PARN: variants seen among roughly 807,000 people sequenced by gnomAD.
PARN encodes poly(A)-specific ribonuclease, also known as poly(A)-specific ribonuclease PARN.
PARN carries 71 observed loss-of-function variants against 102.8 expected under a neutral mutation model. That is an observed-to-expected ratio of 0.69 (90% CI 0.57 to 0.84). The LOEUF (loss-of-function observed/expected upper bound fraction) is 0.84. PARN is among the 40% of genes least tolerant of loss of function. PARN has a pLI of 0.00. For synonymous variants in PARN, 261 were observed against 252.9 expected (o/e 1.03, Z -0.30); for missense variants, 782 against 760.9 (o/e 1.03, Z -0.33).
At chr16:14,501,606 G>A (rs1964625514) in intron 21 of PARN, 1 of 151,956 alleles carries the variant, frequency 6.6e-6, no homozygotes, top group African/African-American at 2.4e-5. Context: ...GGTAAAGTAG[G>A]TAGAAACAAA....
intron 18 of PARN, among the ~76,000 whole-genome samples, chr16:14,579,562 C>T (rs903947299): frequency 1.3e-5 from 2 of 151,810 alleles, no homozygotes; most frequent in African/African-American, 4.8e-5. Context: ...AGAGCAAGAC[C>T]GTGACTCAAA....
At chr16:14,473,891 A>C (rs553441641) in intron 22 of PARN, among the ~76,000 whole-genome samples, 1 of 152,224 alleles carries the variant, frequency 6.6e-6, no homozygotes, top group South Asian at 2.1e-4. Context: ...CAGTGCTAGT[A>C]GTTTCCAACC....
intron 11 of PARN, 138 bp from the exon 12 acceptor site, chr16:14,600,098 C>G: frequency 4.0e-6 from 2 of 502,804 alleles, no homozygotes. Context: ...TTGCGCCTAT[C>G]TTCCCAAACA....
intron 18 of PARN, among the ~76,000 whole-genome samples, chr16:14,572,893 CTTT>C (rs756874245): frequency 1.4e-5 from 2 of 144,960 alleles, no homozygotes; most frequent in Non-Finnish European, 3.0e-5. Context: ...TGTATTTTTT[CTTT>C]TTTTTTTTTT....
At chr16:14,584,551 A>AG in intron 15 of PARN, 129 bp from the exon 16 acceptor site, 1 of 828,438 alleles carries the variant, frequency 1.2e-6, no homozygotes, top group South Asian at 1.7e-5. Flanking sequence ...AAAGAAACAC[A>AG]GAAGTCTTCG....
intron 21 of PARN, among the ~76,000 whole-genome samples, chr16:14,506,727 G>A (rs907508901): frequency 3.9e-5 from 6 of 152,128 alleles, no homozygotes; most frequent in African/African-American, 1.4e-4. Flanking sequence ...GCAGTGGCAC[G>A]AGCCTTTAGT....
At chr16:14,441,419 C>G (rs934994456) in intron 23 of PARN, among the ~76,000 whole-genome samples, 1 of 152,194 alleles carries the variant, frequency 6.6e-6, no homozygotes, top group South Asian at 2.1e-4. Context: ...CCAGGTGAAT[C>G]CCAAACGGAT....
intron 9 of PARN, among the ~76,000 whole-genome samples, chr16:14,607,164 T>C (rs1723074376): frequency 6.6e-6 from 1 of 152,166 alleles, no homozygotes; most frequent in Admixed American, 6.6e-5. Flanking sequence ...CTTCCAAATA[T>C]AAAAATGTTT....
intron 21 of PARN, among the ~76,000 whole-genome samples, chr16:14,547,245 T>C (rs1192834595): frequency 6.6e-6 from 1 of 152,118 alleles, no homozygotes. Context: ...TAATGCTAAA[T>C]GCACAGCTTG....
chr16:14,535,432 A>G (rs938157013), intron 21 of PARN, among the ~76,000 whole-genome samples: 36 of 152,398 alleles, frequency 2.4e-4, no homozygotes, highest in African/African-American at 8.7e-4. Context: ...CAAATACTCA[A>G]CAGTGGAAAT....
rs138280888 is a variant in PARN at position 14,473,782 on chromosome 16, G to A, written c.1670+8856C>T. Among the ~76,000 whole-genome samples the A allele has an allele frequency of 3.8e-3, 572 of 152,278 alleles. 5 individuals carry two copies. Among genetic ancestry groups the A allele is most frequent in the African/African-American group, 0.013 (539 of 41,558 alleles). ...TTTTGAAATAGCAGTGGACAGTTGT[G>A]GGTCTCAAGGTGAGAGGCACCCACT... On this transcript the variant is annotated intron_variant, in intron 22 of 23. Transcript: ENST00000437198.
In PARN at chr16:14,436,577, C is replaced by CA. The variant is rs1960706014; in HGVS notation, c.*139_*140insT. 4.7e-6 allele frequency: 3 copies of CA among 633,214 alleles called. No individual in the cohort carries two copies. Among genetic ancestry groups the CA allele is most frequent in the Non-Finnish European group, 8.5e-6 (3 of 354,522 alleles). 39.2% of individuals were successfully genotyped at this position (633,214 alleles called of 1,614,324 possible). On this transcript the variant is annotated 3_prime_UTR_variant, in exon 24 of 24. Coordinates refer to ENST00000437198, the MANE Select transcript of PARN (RefSeq NM_002582.4). ...CAGCCACAAAAATAAAACCTGTTTT[C>CA]TCCCCCCCAGGAGACAACTTGGTTT...
intron 21 of PARN, among the ~76,000 whole-genome samples, chr16:14,517,998 G>A (rs1404561389): frequency 6.6e-6 from 1 of 151,910 alleles, no homozygotes; most frequent in Non-Finnish European, 1.5e-5. Context: ...AGATGTTGAG[G>A]GGGTGTTATC....
chr16:14,585,456 A>AC (rs1414377970), intron 14 of PARN, among the ~76,000 whole-genome samples: 1 of 149,124 alleles, frequency 6.7e-6, no homozygotes, highest in East Asian at 2.0e-4. Flanking sequence ...CTCGAACACC[A>AC]CGCCTATCCC....
intron 21 of PARN, among the ~76,000 whole-genome samples, chr16:14,536,135 G>A (rs921898441): frequency 2.0e-5 from 3 of 151,948 alleles, no homozygotes; most frequent in Non-Finnish European, 4.4e-5. Flanking sequence ...AAGATTTATT[G>A]GTAACATTTT....
intron 5 of PARN, 92 bp downstream of exon 5, chr16:14,627,014 C>T: frequency 2.7e-6 from 2 of 752,130 alleles, no homozygotes; most frequent in Non-Finnish European, 4.6e-6. Context: ...GCCCCAAAGC[C>T]CAAAGTTAAT....
In PARN at chr16:14,543,049, T is replaced by C. The variant is rs375436884; in HGVS notation, c.1480+8972A>G. Among the ~76,000 whole-genome samples the C allele has an allele frequency of 4.2e-3, 633 of 152,202 alleles. 51 individuals are homozygous for C. In the South Asian group the frequency reaches 0.12, roughly 30 times the overall value. On this transcript the variant is annotated intron_variant, in intron 21 of 23. Transcript: ENST00000437198. Reference sequence around the variant, plus strand: ...ATTATATTCAAACTGCTAAAACCAATCGTAAATAGAAAATGTTGAAAATAA... The same window carrying C: ...ATTATATTCAAACTGCTAAAACCAACCGTAAATAGAAAATGTTGAAAATAA...
intron 5 of PARN, among the ~76,000 whole-genome samples, chr16:14,623,662 C>T (rs929166447): frequency 2.6e-5 from 4 of 151,608 alleles, no homozygotes; most frequent in East Asian, 1.9e-4. Context: ...TATGGTGAAA[C>T]GCTGTCCCCA....
chr16:14,630,049 T>C (rs1052808897), intron 1 of PARN, 58 bp downstream of exon 1: 13 of 1,485,090 alleles, frequency 8.8e-6, no homozygotes, highest in African/African-American at 5.6e-5. Context: ...GGTCTCGGCC[T>C]AGCAGGCCAG....
Sources: allele counts gnomAD v4.1 joint callset (sites outside exome capture counted in the v4.1 genomes callset), GRCh38; gene constraint gnomAD v4.1.1; transcripts MANE v1.5; gene names NCBI Gene and HGNC (gene_info 2026-07-23, HGNC 2026-07-21).